Variants in LYST observed in about 807,000 individuals in gnomAD.
The protein encoded by LYST is lysosomal trafficking regulator.
LYST carries 192 observed loss-of-function variants against 413.6 expected under a neutral mutation model. The ratio of observed to expected loss-of-function variants is 0.46; its 90% CI spans 0.41 to 0.52. The LOEUF (loss-of-function observed/expected upper bound fraction) is 0.52, where lower values mean the gene tolerates loss of function less well. Ranked by LOEUF, LYST falls within the 20% of genes least tolerant of loss-of-function variation. The pLI is 0.00. For synonymous variants in LYST, 1,525 were observed against 1,567.3 expected (o/e 0.97, Z 0.64); for missense variants, 3,815 against 4,499.9 (o/e 0.85, Z 4.35).
At position 235,662,627 on chromosome 1, in the gene LYST, C is replaced by T. The variant is rs1571942783; in HGVS notation, c.*313G>A. On this transcript the variant is annotated 3_prime_UTR_variant, in exon 53 of 53. Coordinates refer to ENST00000389793, the MANE Select transcript of LYST (RefSeq NM_000081.4). ...TTGGAATCATAGAAAAAGGGGAGAC[C>T]TTAATATTTTCTTTGGAATACCTTG... The T allele has an allele frequency of 2.7e-6, 1 of 376,146 alleles. No homozygotes were observed. Among genetic ancestry groups the T allele is most frequent in the East Asian group, 6.3e-5 (1 of 15,898 alleles). The allele number at this position is 376,146 out of a possible 1,614,324, so 23.3% of individuals were successfully genotyped here.
chr1:235,870,959 C>T (rs1043618037), upstream of LYST, among the ~76,000 whole-genome samples: 1 of 152,128 alleles, frequency 6.6e-6, no homozygotes. Flanking sequence ...TACAAGACTG[C>T]GATTTCAGCA....
intron 19 of LYST, among the ~76,000 whole-genome samples, chr1:235,772,371 T>C (rs1026278144): frequency 4.6e-5 from 7 of 152,210 alleles, no homozygotes; most frequent in Non-Finnish European, 8.8e-5. Flanking sequence ...ATAATATTTG[T>C]TGATAATCTT....
chr1:235,813,809 T>C (rs1165779670), intron 3 of LYST, among the ~76,000 whole-genome samples: 1 of 152,180 alleles, frequency 6.6e-6, no homozygotes, highest in Non-Finnish European at 1.5e-5. Flanking sequence ...GAGCTAGACC[T>C]GGGACACCTG....
chr1:235,827,622 T>C, intron 3 of LYST: 1 of 984,720 alleles, frequency 1.0e-6, no homozygotes, highest in Non-Finnish European at 1.2e-6. Flanking sequence ...AACTAAATGT[T>C]GATAAAGGCC....
chr1:235,677,449 C>T (rs1033076628), intron 49 of LYST, 31 bp downstream of exon 49: 3 of 1,609,210 alleles, frequency 1.9e-6, no homozygotes, highest in Middle Eastern at 1.7e-4. Context: ...ATTAAAAATG[C>T]TATGTTTGAT....
intron 22 of LYST, among the ~76,000 whole-genome samples, chr1:235,760,142 G>T (rs1667443856): frequency 6.6e-6 from 1 of 150,712 alleles, no homozygotes; most frequent in South Asian, 2.1e-4. Context: ...AAAGAGTGTG[G>T]GCTTTGCAAC....
intron 11 of LYST, 95 bp from the exon 12 acceptor site, chr1:235,792,220 C>T: frequency 1.3e-6 from 1 of 779,266 alleles, no homozygotes; most frequent in South Asian, 1.6e-5. Flanking sequence ...TACAAACATA[C>T]CCACACATAT....
At chr1:235,665,005 G>A (rs1209360213) in intron 50 of LYST, among the ~76,000 whole-genome samples, 2 of 152,000 alleles carry the variant, frequency 1.3e-5, no homozygotes, top group African/African-American at 4.8e-5. Context: ...TGTTGGCTAG[G>A]CTAGTCTTGA....
chr1:235,798,578 T>TAAAAAAAAAAAAA (rs71174462), intron 10 of LYST, among the ~76,000 whole-genome samples: 3 of 81,714 alleles, frequency 3.7e-5, no homozygotes, highest in Non-Finnish European at 7.2e-5. Context: ...AACCCTGTCA[T>TAAAAAAAAAAAAA]AAAAAAAAAA....
At chr1:235,785,022 C>G (rs769244199) in intron 14 of LYST, among the ~76,000 whole-genome samples, 2 of 152,210 alleles carry the variant, frequency 1.3e-5, no homozygotes, top group Non-Finnish European at 2.9e-5. Flanking sequence ...ACACCATGGA[C>G]TGTAAAGCAA....
intron 29 of LYST, among the ~76,000 whole-genome samples, chr1:235,745,825 TGA>T: frequency 6.6e-6 from 1 of 152,168 alleles, no homozygotes; most frequent in African/African-American, 2.4e-5. Context: ...ATAACATTCT[TGA>T]TGAAACAAAA....
In LYST at chr1:235,670,775, A is replaced by G. The variant is rs1658873396; in HGVS notation, c.11039-6154T>C. The stretch of plus-strand genomic sequence containing the variant: ...AGTGTGGAGTAAAGTAAAGGAGTGC[A>G]AGAAACCTCCAGTGGGGAGGGGGGT... On this transcript the variant is annotated intron_variant, in intron 50 of 52. Transcript: ENST00000389793. Among the ~76,000 whole-genome samples the G allele has an allele frequency of 2.6e-5, 4 of 152,186 alleles. 1 individual carries two copies. The South Asian group carries it at 8.3e-4, about 31-fold the overall frequency.
intron 28 of LYST, among the ~76,000 whole-genome samples, chr1:235,750,047 T>A (rs1224230488): frequency 1.3e-5 from 2 of 152,116 alleles, no homozygotes; most frequent in Non-Finnish European, 2.9e-5. Flanking sequence ...TACTTTCTGA[T>A]ATCAAGAGAG....
chr1:235,789,127 T>A (rs1262092825), intron 12 of LYST, among the ~76,000 whole-genome samples: 1 of 152,178 alleles, frequency 6.6e-6, no homozygotes, highest in Admixed American at 6.6e-5. Context: ...CAGACCGCTA[T>A]GTGACAACCT....
At chr1:235,822,988 A>G (rs1265467708) in intron 3 of LYST, among the ~76,000 whole-genome samples, 1 of 152,184 alleles carries the variant, frequency 6.6e-6, no homozygotes, top group Non-Finnish European at 1.5e-5. Context: ...CTGATACCTC[A>G]AGGAGCCAAA....
intron 31 of LYST, chr1:235,735,215 A>G (rs892580859): frequency 6.6e-6 from 1 of 152,138 alleles, no homozygotes; most frequent in African/African-American, 2.4e-5. Flanking sequence ...TCACAGAAAA[A>G]CTGAACTAGA....
chr1:235,693,358 G>A lies in LYST; in HGVS notation c.10693C>T (p.Gln3565Ter). The A allele has an allele frequency of 6.2e-7, 1 of 1,605,954 alleles. No individual in the cohort carries two copies. Among genetic ancestry groups the A allele is most frequent in the Non-Finnish European group, 8.5e-7 (1 of 1,172,706 alleles). Residue 3565 changes from glutamine (Q) to a stop codon, truncating the protein, a stop_gained, in exon 47 of 53, where the codon CAG becomes TAG. Coordinates refer to ENST00000389793, the MANE Select transcript of LYST (RefSeq NM_000081.4). LOFTEE classifies it high-confidence loss of function. ...PPVNFIQSSQQYQVTSCAWVP... is the reference protein window; with the variant it reads ...PPVNFIQSSQ ...TAAAATAAAGTGTTTACCTGGTACT[G>A]TTGTGAACTTTGAATAAAGTTTACT...
intron 17 of LYST, 23 bp from the exon 18 acceptor site, chr1:235,775,109 A>G (rs2103444421): frequency 6.3e-7 from 1 of 1,590,376 alleles, no homozygotes. Context: ...ATGGGTGGAT[A>G]TAGTTTTCTC....
chr1:235,753,329 A>C (rs1268410774), intron 25 of LYST, 55 bp from the exon 26 acceptor site: 1 of 1,074,180 alleles, frequency 9.3e-7, no homozygotes, highest in African/African-American at 1.6e-5. Context: ...AAATAAGAAA[A>C]TATGATAGCA....
Sources: allele counts gnomAD v4.1 joint callset (sites outside exome capture counted in the v4.1 genomes callset), GRCh38; gene constraint gnomAD v4.1.1; transcripts MANE v1.5; gene names NCBI Gene and HGNC (gene_info 2026-07-23, HGNC 2026-07-21).